Variants in PTBP3 observed in about 807,000 individuals in gnomAD.
The protein encoded by PTBP3 is polypyrimidine tract-binding protein 3.
In PTBP3, 20 loss-of-function variants were observed where a neutral mutation model predicts 58.7. That is an observed-to-expected ratio of 0.34 (90% CI 0.24 to 0.50). The LOEUF is 0.50. Ranked by LOEUF, PTBP3 falls within the 20% of genes least tolerant of loss-of-function variation. PTBP3 has a pLI of 0.98. For missense variants in PTBP3, 509 were observed against 637.2 expected, an observed-to-expected ratio of 0.80 and a Z score of 2.17; for synonymous variants, 185 against 219.8, an observed-to-expected ratio of 0.84 and a Z score of 1.40.
chr9:112,332,580 C>T (rs986685376), intron 1 of PTBP3, among the ~76,000 whole-genome samples: 1 of 151,996 alleles, frequency 6.6e-6, no homozygotes, highest in South Asian at 2.1e-4. Context: ...GATACTACAA[C>T]CTTCAATTAA....
In PTBP3 at chr9:112,222,805, TAAGAA is replaced by T. The variant is rs1589788987; in HGVS notation, c.*1041_*1045del. ...CTTAAGCACATAATAAGGCACATAATAAGAAATTAAGTAAATACACAGTAATTCTG... is the reference window on the plus strand; with the variant it reads ...CTTAAGCACATAATAAGGCACATAATATTAAGTAAATACACAGTAATTCTG... On this transcript the variant is annotated 3_prime_UTR_variant, in exon 14 of 14. Transcript: ENST00000374257. 2 of 907,146 alleles carry T rather than the reference TAAGAA, an allele frequency of 2.2e-6. No homozygotes were observed. Among genetic ancestry groups the T allele is most frequent in the African/African-American group, 3.6e-5 (2 of 55,526 alleles). 56.2% of individuals were successfully genotyped at this position (907,146 alleles called of 1,614,324 possible).
At chr9:112,262,706 AAGATT>A in intron 4 of PTBP3, 107 bp from the exon 5 acceptor site, 2 of 1,005,526 alleles carry the variant, frequency 2.0e-6, no homozygotes, top group Non-Finnish European at 2.6e-6. Flanking sequence ...TAAGTAAAAC[AAGATT>A]TATCTACTCC....
chr9:112,331,778 C>A (rs1410701911), intron 1 of PTBP3, among the ~76,000 whole-genome samples: 1 of 152,138 alleles, frequency 6.6e-6, no homozygotes, highest in Non-Finnish European at 1.5e-5. Context: ...CCACAAATAG[C>A]GTGAAGGGAG....
intron 2 of PTBP3, among the ~76,000 whole-genome samples, chr9:112,294,977 C>T (rs7857973): frequency 0.84 from 127,943 of 152,246 alleles, 54,059 homozygotes; most frequent in African/African-American, 0.92. Context: ...CTCAGGCTCA[C>T]GCCTGTAATC....
At chr9:112,367,271 T>C in the PTBP3 span, among the ~76,000 whole-genome samples, 1 of 151,610 alleles carries the variant, frequency 6.6e-6, no homozygotes. Context: ...TATATTAGAG[T>C]ATTCTGAATT....
At chr9:112,351,991 T>C in the PTBP3 span, among the ~76,000 whole-genome samples, 4 of 151,866 alleles carry the variant, frequency 2.6e-5, no homozygotes, top group Non-Finnish European at 4.4e-5. Flanking sequence ...CACTCTGTTA[T>C]CCCACAGCCT....
At chr9:112,340,436 ATCATAGT>A in the PTBP3 span, among the ~76,000 whole-genome samples, 3 of 152,022 alleles carry the variant, frequency 2.0e-5, no homozygotes, top group Non-Finnish European at 4.4e-5. Flanking sequence ...ATTCTCTCCA[ATCATAGT>A]TCAGATTTCT....
At chr9:112,235,840 T>C (rs1457363811) in intron 7 of PTBP3, among the ~76,000 whole-genome samples, 1 of 151,912 alleles carries the variant, frequency 6.6e-6, no homozygotes, top group Non-Finnish European at 1.5e-5. Flanking sequence ...GGGAATATCC[T>C]ACAGAAAAGA....
chr9:112,354,516 G>C, the PTBP3 span, among the ~76,000 whole-genome samples: 1 of 152,322 alleles, frequency 6.6e-6, no homozygotes, highest in South Asian at 2.1e-4. Context: ...ACCCCCCTGG[G>C]GGTGGAGGAT....
chr9:112,239,336 C>T (rs937867014), intron 7 of PTBP3, among the ~76,000 whole-genome samples: 6 of 152,098 alleles, frequency 3.9e-5, no homozygotes, highest in Admixed American at 3.9e-4. Context: ...TCCTACTCCC[C>T]AAGTCTGCCC....
intron 1 of PTBP3, among the ~76,000 whole-genome samples, chr9:112,300,755 G>GA (rs111312923): frequency 0.12 from 17,712 of 143,366 alleles, 2,947 homozygotes; most frequent in African/African-American, 0.38. Context: ...CCGTCTCAAA[G>GA]AAAAAAAAAA....
Position 112,220,915 on chromosome 9 carries a change from G to C in PTBP3, c.*2936C>G. The C allele has an allele frequency of 1.2e-5, 12 of 967,736 alleles. No individual in the cohort carries two copies. The highest frequency in any genetic ancestry group is 1.5e-5 in the Non-Finnish European group (12 of 813,910). The allele number at this position is 967,736 out of a possible 1,614,324, so 59.9% of individuals were successfully genotyped here. On this transcript the variant is annotated 3_prime_UTR_variant, in exon 14 of 14. Coordinates refer to ENST00000374257, the MANE Select transcript of PTBP3 (RefSeq NM_001163788.4). ...TAGGATACTACGGTAGATCAACAGA[G>C]AAAAACCATTGCTAGAAGATACTGA...
At chr9:112,225,701 C>T (rs1029800008) in intron 12 of PTBP3, among the ~76,000 whole-genome samples, 1 of 152,114 alleles carries the variant, frequency 6.6e-6, no homozygotes, top group Non-Finnish European at 1.5e-5. Flanking sequence ...CTTCTTCTTC[C>T]TACATGTCCT....
the PTBP3 span, among the ~76,000 whole-genome samples, chr9:112,346,455 C>G: frequency 2.6e-5 from 4 of 152,198 alleles, no homozygotes; most frequent in South Asian, 2.1e-4. Context: ...GCATGAGCCA[C>G]CACACCTGGC....
At chr9:112,345,999 G>A in the PTBP3 span, among the ~76,000 whole-genome samples, 1 of 151,446 alleles carries the variant, frequency 6.6e-6, no homozygotes, top group Non-Finnish European at 1.5e-5. Context: ...GGGAGTATAG[G>A]TGCCCGCCAT....
At chr9:112,268,241 A>G (rs772998503) in intron 3 of PTBP3, 46 bp from the exon 4 acceptor site, 1 of 1,566,582 alleles carries the variant, frequency 6.4e-7, no homozygotes, top group East Asian at 2.3e-5. Context: ...TCTTTTTGAA[A>G]GACAGTTAAG....
chr9:112,221,840 C>T lies in PTBP3; in HGVS notation c.*2011G>A. 2.0e-6 allele frequency: 2 copies of T among 984,864 alleles called. No homozygotes were observed. The highest frequency in any genetic ancestry group is 2.4e-6 in the Non-Finnish European group (2 of 829,464). The allele number at this position is 984,864 out of a possible 1,614,324, so 61.0% of individuals were successfully genotyped here. ...CAGTCTCTATTTTTTGGTAAAATTT[C>T]TTCTGTAAAAACCTCCCTATGTTCA... On this transcript the variant is annotated 3_prime_UTR_variant, in exon 14 of 14. Transcript: ENST00000374257.
chr9:112,238,712 CTTT>C (rs1175516479), intron 7 of PTBP3, among the ~76,000 whole-genome samples: 2 of 42,084 alleles, frequency 4.8e-5, no homozygotes, highest in Non-Finnish European at 1.0e-4. Context: ...TGACAACTGA[CTTT>C]CTAAGAGCAA....
intron 7 of PTBP3, among the ~76,000 whole-genome samples, chr9:112,250,153 T>C (rs1589822481): frequency 6.6e-6 from 1 of 152,122 alleles, no homozygotes; most frequent in South Asian, 2.1e-4. Context: ...CTATAAAACA[T>C]GATGAACTAA....
Sources: allele counts gnomAD v4.1 joint callset (sites outside exome capture counted in the v4.1 genomes callset), GRCh38; gene constraint gnomAD v4.1.1; transcripts MANE v1.5; gene names NCBI Gene and HGNC (gene_info 2026-07-23, HGNC 2026-07-21).